The following FAM234A variants were observed in gnomAD, a reference collection of about 807,000 sequenced individuals.
FAM234A encodes the protein protein FAM234A.
A neutral mutation model predicts 49.1 loss-of-function variants in FAM234A; 42 were observed. That is an observed-to-expected ratio of 0.86 (90% CI 0.67 to 1.11). The LOEUF (loss-of-function observed/expected upper bound fraction) is 1.11, where lower values mean the gene tolerates loss of function less well. Ranked by LOEUF, FAM234A falls within the 50% of genes least tolerant of loss-of-function variation. The probability of loss-of-function intolerance (pLI) is 0.00; values close to 1 mark genes in which losing one functional copy is unlikely to be tolerated. For missense variants in FAM234A, 815 were observed against 745.2 expected (o/e 1.09, Z -1.09); for synonymous variants, 369 against 316.2 (o/e 1.17, Z -1.77).
intron 1 of FAM234A, among the ~76,000 whole-genome samples, chr16:241,024 T>C (rs1023007284): frequency 1.3e-5 from 2 of 151,954 alleles, no homozygotes; most frequent in Non-Finnish European, 2.9e-5. Context: ...CCTCCCAGGC[T>C]CAAGGGAACC....
At chr16:261,346 C>T in intron 5 of FAM234A, 38 bp from the exon 6 acceptor site, 1 of 1,592,626 alleles carries the variant, frequency 6.3e-7, no homozygotes, top group South Asian at 1.1e-5. Context: ...TTGAAGGGGA[C>T]TCAGGGCCAC....
chr16:238,572 C>G (rs951676450), intron 1 of FAM234A, among the ~76,000 whole-genome samples: 1 of 151,782 alleles, frequency 6.6e-6, no homozygotes, highest in Non-Finnish European at 1.5e-5. Flanking sequence ...CGAGACCATC[C>G]TGGCTAACAC....
rs373250620 is a variant in FAM234A, at chr16:264,069, G to C, written c.1242G>C (p.Pro414=). 4 of 1,612,878 alleles carry C rather than the reference G, an allele frequency of 2.5e-6. No individual in the cohort carries two copies. The highest frequency in any genetic ancestry group is 2.7e-5 in the African/African-American group (2 of 74,902). The change falls in exon 11 of 13, where the codon CCG becomes CCC. Residue 414 remains proline, a synonymous_variant. Coordinates refer to ENST00000399932, the MANE Select transcript of FAM234A (RefSeq NM_032039.4). ...CCGTCCTGTGTAGCCTAGCCCTCCC[G>C]AGCCTCCCTGGGGGTCCACTGTCCG... is the stretch of plus-strand genomic sequence containing the variant. The part of the protein sequence containing the change: ...TGAVLCSLAL[P]SLPGGPLSAS...
chr16:235,875 C>T (rs553279052), intron 1 of FAM234A, among the ~76,000 whole-genome samples: 4 of 152,140 alleles, frequency 2.6e-5, no homozygotes, highest in African/African-American at 9.6e-5. Flanking sequence ...CTTGCTGGGC[C>T]GGCGCGGTGG....
In FAM234A at chr16:263,389, G is replaced by A; in HGVS notation, c.1099G>A (p.Ala367Thr). Reference protein sequence around the residue: ...ELTPRWTPKAAHVLRKPIFGR... With the variant: ...ELTPRWTPKATHVLRKPIFGR... The stretch of plus-strand genomic sequence containing the variant: ...GACGCCTCGCTGGACACCCAAGGCA[G>A]CCCATGTCCTGAGGTACAGGGTTTC... Residue 367 changes from alanine to threonine, a missense_variant, in exon 9 of 13, where the codon GCC (alanine) becomes ACC (threonine). By Grantham distance (58) the Ala-to-Thr change is moderately conservative. Coordinates refer to ENST00000399932, the MANE Select transcript of FAM234A (RefSeq NM_032039.4). 6.2e-7 allele frequency: 1 copy of A among 1,610,356 alleles called. No individual in the cohort carries two copies. Among genetic ancestry groups the A allele is most frequent in the Non-Finnish European group, 8.5e-7 (1 of 1,179,950 alleles).
intron 2 of FAM234A, among the ~76,000 whole-genome samples, chr16:250,912 A>C (rs781288874): frequency 1.4e-4 from 21 of 152,196 alleles, no homozygotes; most frequent in Non-Finnish European, 2.8e-4. Context: ...GTAATTATGC[A>C]CTGTATTATG....
downstream of FAM234A, chr16:269,039 A>C: frequency 8.4e-7 from 1 of 1,189,996 alleles, no homozygotes; most frequent in Non-Finnish European, 1.2e-6. Context: ...AGCTGAGCCA[A>C]TGAACCCCCT....
intron 2 of FAM234A, among the ~76,000 whole-genome samples, chr16:250,431 C>T (rs762267930): frequency 2.0e-5 from 3 of 152,096 alleles, no homozygotes; most frequent in African/African-American, 7.2e-5. Context: ...CTTCCCCACC[C>T]CCATGCCAGC....
intron 1 of FAM234A, among the ~76,000 whole-genome samples, chr16:236,905 A>AAAAAAAAAAAATAATAAAAT (rs371059749): frequency 1.9e-5 from 1 of 53,564 alleles, no homozygotes; most frequent in Non-Finnish European, 6.2e-5. Flanking sequence ...ACTGTCTCAA[A>AAAAAAAAAAAATAATAAAAT]AAAATAAAAT....
At chr16:269,917 C>CA, downstream of FAM234A, 1 of 253,704 alleles carries the variant, frequency 3.9e-6, no homozygotes, top group Non-Finnish European at 7.4e-6. Context: ...GTTGTGGAGT[C>CA]AAATAAAAAA....
rs144785731 is a variant in FAM234A, at chr16:236,629, G to A, written c.-140+1772G>A. ...GAGACTGTCTCAAAATAAATAGGCCGGGCGCGGTGGCTCACGCCTGTAATC... is the reference window on the plus strand; with the variant it reads ...GAGACTGTCTCAAAATAAATAGGCCAGGCGCGGTGGCTCACGCCTGTAATC... On this transcript the variant is annotated intron_variant, in intron 1 of 12. Coordinates refer to ENST00000399932, the MANE Select transcript of FAM234A (RefSeq NM_032039.4). Among the ~76,000 whole-genome samples the A allele has an allele frequency of 7.2e-3, 1,081 of 149,722 alleles. 13 individuals carry two copies. The highest frequency in any genetic ancestry group is 0.025 in the African/African-American group (1,032 of 40,726).
chr16:265,270 C>T lies in FAM234A; in HGVS notation c.*248C>T. The T allele has an allele frequency of 1.5e-6, 2 of 1,336,470 alleles. No homozygotes were observed. Among genetic ancestry groups the T allele is most frequent in the South Asian group, 2.0e-5 (1 of 50,312 alleles). The allele number at this position is 1,336,470 out of a possible 1,614,324, so 82.8% of individuals were successfully genotyped here. The stretch of plus-strand genomic sequence containing the variant: ...AGTCCCCACACAGGGCCTCACTCTG[C>T]ACCCCACCAGGGTCCCGCTCACACC... On this transcript the variant is annotated 3_prime_UTR_variant, in exon 13 of 13. Coordinates refer to ENST00000399932, the MANE Select transcript of FAM234A (RefSeq NM_032039.4).
chr16:268,935 G>A (rs1309974741), downstream of FAM234A: 1 of 1,550,488 alleles, frequency 6.4e-7, no homozygotes, highest in East Asian at 2.4e-5. Context: ...AGATGGGGAT[G>A]GGCACCCAGT....
rs754525878 is a variant in FAM234A, at chr16:263,287, C to T, written c.997C>T (p.His333Tyr). 6 of 1,613,068 alleles carry T rather than the reference C, an allele frequency of 3.7e-6. No individual in the cohort carries two copies. The Admixed American group carries it at 8.3e-5, about 22-fold the overall frequency. ...CTCTGGAGCAGTGCGCTACCTGATG[C>T]ATGTCCCAGGGAACGCCGGTGCAGA... ...HSSGAVRYLM[H>Y]VPGNAGADVL... The change falls in exon 9 of 13, where the codon CAT becomes TAT. Residue 333 changes from histidine (H) to tyrosine (Y), a missense_variant. His to Tyr is a moderately conservative substitution (Grantham distance 83). Transcript: ENST00000399932.
At chr16:269,427 T>C, downstream of FAM234A, 1 of 1,586,724 alleles carries the variant, frequency 6.3e-7, no homozygotes, top group African/African-American at 1.3e-5. Flanking sequence ...CCAGCTGGTG[T>C]CCTGCCCACC....
downstream of FAM234A, chr16:268,740 A>G (rs1452449327): frequency 6.5e-7 from 1 of 1,539,950 alleles, no homozygotes; most frequent in South Asian, 1.2e-5. Flanking sequence ...ACCTCGAGGC[A>G]GCCTCAGCAC....
intron 3 of FAM234A, 52 bp downstream of exon 3, chr16:254,733 G>A (rs765576842): frequency 6.3e-7 from 1 of 1,588,898 alleles, no homozygotes; most frequent in Non-Finnish European, 8.6e-7. Context: ...CTTCCCAGGG[G>A]ATGGGGCGGA....
At chr16:268,731 C>A, downstream of FAM234A, 1 of 1,536,730 alleles carries the variant, frequency 6.5e-7, no homozygotes, top group South Asian at 1.2e-5. Flanking sequence ...AAGGCAGTGA[C>A]CTCGAGGCAG....
chr16:236,963 A>C (rs1409751427), intron 1 of FAM234A, among the ~76,000 whole-genome samples: 2 of 151,828 alleles, frequency 1.3e-5, no homozygotes, highest in Non-Finnish European at 2.9e-5. Context: ...TCTCTTTCTC[A>C]GTCTGGTCCT....
Sources: allele counts gnomAD v4.1 joint callset (sites outside exome capture counted in the v4.1 genomes callset), GRCh38; gene constraint gnomAD v4.1.1; transcripts MANE v1.5; gene names NCBI Gene and HGNC (gene_info 2026-07-23, HGNC 2026-07-21).